Variants in ZKSCAN7 observed in about 807,000 individuals in gnomAD.
The protein encoded by ZKSCAN7 is zinc finger protein with KRAB and SCAN domains 7.
Under a neutral mutation model 65.3 loss-of-function variants are expected in ZKSCAN7, and 38 were observed. The ratio of observed to expected loss-of-function variants is 0.58; its 90% CI spans 0.45 to 0.76. The LOEUF (loss-of-function observed/expected upper bound fraction) is 0.76. Among genes scored for constraint, ZKSCAN7 ranks in the 30% least tolerant of loss-of-function variants. The probability of loss-of-function intolerance (pLI) is 0.00; values close to 1 mark genes in which losing one functional copy is unlikely to be tolerated. For synonymous variants in ZKSCAN7, 321 were observed against 321.0 expected (o/e 1.00, Z 0.00); for missense variants, 815 against 913.3 (o/e 0.89, Z 1.39).
downstream of ZKSCAN7, among the ~76,000 whole-genome samples, chr3:44,574,117 C>CT (rs1229567905): frequency 1.3e-5 from 2 of 151,752 alleles, no homozygotes; most frequent in Non-Finnish European, 2.9e-5. Flanking sequence ...TTTAAATTTT[C>CT]TTTTTTTTCT....
In ZKSCAN7 at chr3:44,578,412, G is replaced by T. The variant is rs199999867; in HGVS notation, c.812-4560G>T. On this transcript the variant is annotated intron_variant, in intron 5 of 5. Coordinates refer to the ZKSCAN7 transcript ENST00000341840. ...TCCCCAGTCAGCAGCGTCCGCAACC[G>T]TGTGATCTCTGCAGCCAGGCGGTTG... is the stretch of plus-strand genomic sequence containing the variant. The T allele has an allele frequency of 5.8e-5, 93 of 1,614,024 alleles. No homozygotes were observed. In the Middle Eastern group the frequency reaches 6.6e-4, roughly 11 times the overall value.
rs1428459764 is a variant in ZKSCAN7, at chr3:44,570,921, A to G, written c.1811A>G (p.Glu604Gly). 1 of 1,614,050 alleles carries G rather than the reference A, an allele frequency of 6.2e-7. No individual in the cohort carries two copies. Among genetic ancestry groups the G allele is most frequent in the African/African-American group, 1.3e-5 (1 of 74,936 alleles). ...GAGCATGAGCGAATTCATACTGGAG[A>G]AAAACCTTTTGAATGTAGCGAGTGT... ...LIEHERIHTG[E>G]KPFECSECGK... is the part of the protein sequence containing the mutation. The change falls in exon 6 of 6, where the codon GAA becomes GGA. Residue 604 changes from glutamate to glycine, a missense_variant. This residue lies in a region of ZKSCAN7 where 578 missense variants were observed against 629.5 expected (regional missense o/e 0.92). Coordinates refer to ENST00000426540, the MANE Select transcript of ZKSCAN7 (RefSeq NM_001288590.2).
At position 44,557,267 on chromosome 3, in the gene ZKSCAN7, C is replaced by T. The variant is rs773293133; in HGVS notation, c.220C>T (p.Arg74Trp). The T allele has an allele frequency of 3.6e-5, 58 of 1,614,160 alleles. No individual in the cohort carries two copies. Among genetic ancestry groups the T allele is most frequent in the Non-Finnish European group, 4.5e-5 (53 of 1,180,054 alleles). Residue 74 changes from arginine to tryptophan, a missense_variant, in exon 2 of 6, where the codon CGG becomes TGG. Coordinates refer to ENST00000426540, the MANE Select transcript of ZKSCAN7 (RefSeq NM_001288590.2). ...EMSGPQEALSRLRELCRWWLM... is the reference protein window; with the variant it reads ...EMSGPQEALSWLRELCRWWLM... ...GTCTGGGCCGCAGGAAGCATTGAGC[C>T]GGCTTCGGGAGCTCTGCCGCTGGTG... is the stretch of plus-strand genomic sequence containing the variant.
At chr3:44,580,012 G>A in intron 5 of ZKSCAN7, 1 of 1,583,656 alleles carries the variant, frequency 6.3e-7, no homozygotes. Flanking sequence ...TGCTTGCTAG[G>A]GAACGCCCTT....
Position 44,558,279 on chromosome 3 carries a change from C to G in ZKSCAN7, c.423+809C>G, listed in dbSNP as rs150113133. On this transcript the variant is annotated intron_variant, in intron 2 of 5. Coordinates refer to ENST00000426540, the MANE Select transcript of ZKSCAN7 (RefSeq NM_001288590.2). Reference sequence around the variant, plus strand: ...GTAGCTCATGCCTGTAATCCCAGCACTTTGGGAGGCCGAAGGGGGTGGATC... The same window carrying G: ...GTAGCTCATGCCTGTAATCCCAGCAGTTTGGGAGGCCGAAGGGGGTGGATC... Among the ~76,000 whole-genome samples, 638 of 152,102 alleles carry G rather than the reference C, an allele frequency of 4.2e-3. 6 individuals carry two copies. Among genetic ancestry groups the G allele is most frequent in the African/African-American group, 0.015 (614 of 41,484 alleles).
At chr3:44,580,708 C>T in intron 5 of ZKSCAN7, 2 of 1,613,984 alleles carry the variant, frequency 1.2e-6, no homozygotes, top group East Asian at 2.2e-5. Flanking sequence ...TCCCCATCCA[C>T]CACATCTGTG....
intron 3 of ZKSCAN7, 63 bp from the exon 4 acceptor site, chr3:44,567,849 T>G (rs1019455793): frequency 1.3e-5 from 8 of 615,476 alleles, no homozygotes; most frequent in Non-Finnish European, 2.1e-5. Context: ...TTATTGGGAA[T>G]ATAGATCTTA....
chr3:44,576,945 C>T (rs1699933745), downstream of ZKSCAN7, among the ~76,000 whole-genome samples: 2 of 152,044 alleles, frequency 1.3e-5, no homozygotes, highest in Non-Finnish European at 2.9e-5. Flanking sequence ...CAAGTCATTA[C>T]TCCACATTGG....
Position 44,571,121 on chromosome 3 carries a change from G to T in ZKSCAN7, c.2011G>T (p.Val671Leu). 6.2e-7 allele frequency: 1 copy of T among 1,614,106 alleles called. No homozygotes were observed. Among genetic ancestry groups the T allele is most frequent in the Non-Finnish European group, 8.5e-7 (1 of 1,180,014 alleles). ...KPYECNECGK[V>L]FSYSSSLMVH... ...CTATGAATGTAATGAGTGTGGGAAG[G>T]TATTCAGTTATAGCTCCAGCCTTAT... The change falls in exon 6 of 6, where the codon GTA becomes TTA. Residue 671 changes from valine (V) to leucine (L), a missense_variant. Physicochemically the swap from Val to Leu is conservative, Grantham distance 32. Transcript: ENST00000426540.
chr3:44,578,303 G>A (rs766238387), intron 5 of ZKSCAN7: 79 of 1,588,738 alleles, frequency 5.0e-5, no homozygotes, highest in Non-Finnish European at 6.3e-5. Flanking sequence ...CTGTATTTCC[G>A]ATTCCTATAT....
rs748575116 is a variant in ZKSCAN7, at chr3:44,567,932, C to T, written c.613C>T (p.Pro205Ser). The change falls in exon 4 of 6, where the codon CCT (proline) becomes TCT (serine). Residue 205 changes from proline (P) to serine (S), a missense_variant. Transcript: ENST00000426540. ...GDFAQCTSPVPTLPQVGNSGD... is the reference protein window; with the variant it reads ...GDFAQCTSPVSTLPQVGNSGD... ...CTCAGCTCAATGTACTTCTCCAGTT[C>T]CTACCCTTCCTCAAGTGGGGAACTC... 8.9e-7 allele frequency: 1 copy of T among 1,121,062 alleles called. No individual in the cohort carries two copies. The highest frequency in any genetic ancestry group is 1.3e-6 in the Non-Finnish European group (1 of 774,714). The allele number at this position is 1,121,062 out of a possible 1,614,324, so 69.4% of individuals were successfully genotyped here.
chr3:44,579,149 G>A (rs532520063), intron 5 of ZKSCAN7, among the ~76,000 whole-genome samples: 16 of 152,336 alleles, frequency 1.1e-4, no homozygotes, highest in Admixed American at 9.1e-4. Context: ...GACGTTATGC[G>A]TCTTGAGGTC....
intron 5 of ZKSCAN7, chr3:44,579,989 A>G (rs1700028871): frequency 6.4e-7 from 1 of 1,574,736 alleles, no homozygotes; most frequent in Non-Finnish European, 8.7e-7. Context: ...GGGGGGCTTC[A>G]TTGGTGAAGT....
At chr3:44,575,599 C>G (rs936337805), downstream of ZKSCAN7, among the ~76,000 whole-genome samples, 1 of 152,140 alleles carries the variant, frequency 6.6e-6, no homozygotes, top group South Asian at 2.1e-4. Context: ...TATTTAGAGA[C>G]AGAGTTTCAC....
At chr3:44,582,929 T>A in intron 5 of ZKSCAN7, 1 of 433,204 alleles carries the variant, frequency 2.3e-6, no homozygotes, top group Non-Finnish European at 4.6e-6. Context: ...TGTGTGTGTG[T>A]GTGTGTGTGT....
intron 2 of ZKSCAN7, among the ~76,000 whole-genome samples, chr3:44,558,292 A>G (rs183592628): frequency 4.0e-4 from 61 of 152,176 alleles, no homozygotes; most frequent in African/African-American, 1.4e-3. Context: ...TGGGAGGCCG[A>G]AGGGGGTGGA....
chr3:44,564,102 A>G (rs1470017234), intron 2 of ZKSCAN7, among the ~76,000 whole-genome samples: 1 of 152,262 alleles, frequency 6.6e-6, no homozygotes, highest in East Asian at 1.9e-4. Flanking sequence ...ATACCAGAGC[A>G]AGTGAACTTT....
chr3:44,580,701 C>T, intron 5 of ZKSCAN7: 1 of 1,613,948 alleles, frequency 6.2e-7, no homozygotes, highest in Non-Finnish European at 8.5e-7. Flanking sequence ...GCGGCCCTCC[C>T]CATCCACCAC....
chr3:44,580,310 C>G, intron 5 of ZKSCAN7: 2 of 1,613,898 alleles, frequency 1.2e-6, no homozygotes, highest in Non-Finnish European at 1.7e-6. Context: ...CTTCTTTGCT[C>G]TCCAGCCCAG....
Sources: gnomAD v4.1 joint callset for allele counts (sites outside exome capture counted in the v4.1 genomes callset) on GRCh38, gnomAD v4.1.1 for gene constraint, gnomAD v4.1.1 regional missense constraint, MANE v1.5 for transcripts, NCBI Gene and HGNC (gene_info 2026-07-23, HGNC 2026-07-21) for gene names.